Variants in ZNF423 observed in about 807,000 individuals in gnomAD.
The protein encoded by ZNF423 is zinc finger protein 423, also known as Ebf-associated zinc finger protein.
Under a neutral mutation model 95.8 loss-of-function variants are expected in ZNF423, and 12 were observed. The observed-to-expected ratio is 0.13, with a 90% CI of 0.08 to 0.20. ZNF423 has a LOEUF of 0.20. ZNF423 is among the 10% of genes least tolerant of loss of function. ZNF423 has a pLI of 1.00. For synonymous variants in ZNF423, 749 were observed against 711.9 expected, an observed-to-expected ratio of 1.05 and a Z score of -0.83; for missense variants, 1,316 against 1,737.1, an observed-to-expected ratio of 0.76 and a Z score of 4.31.
chr16:49,563,673 G>A (rs751419762), intron 5 of ZNF423, among the ~76,000 whole-genome samples: 12 of 152,170 alleles, frequency 7.9e-5, no homozygotes, highest in Non-Finnish European at 1.8e-4. Flanking sequence ...TGGCCTCTAG[G>A]CCTGTCGGCA....
At chr16:49,538,203 A>G (rs1969120994) in intron 5 of ZNF423, among the ~76,000 whole-genome samples, 1 of 152,092 alleles carries the variant, frequency 6.6e-6, no homozygotes. Context: ...GTGGGGGTGG[A>G]GGCCACCTCC....
At position 49,730,863 on chromosome 16, in the gene ZNF423, T is replaced by G. The variant is rs200530286; in HGVS notation, c.209A>C (p.Glu70Ala). Residue 70 changes from glutamate to alanine, a missense_variant, in exon 3 of 8, where the codon GAG (glutamate) becomes GCG (alanine). Around this residue, in one of 6 missense-constraint regions of ZNF423, gnomAD observed 155 missense variants for 170.8 expected, o/e 0.91. Transcript: ENST00000563137. ...ATCGCAGGTGTAAATTGATTCATCC[T>G]CCATGTCTTCATCATCCTCATTTCT... ...EERNEDDEDM[E>A]DESIYTCDHC... 30 of 1,614,184 alleles carry G rather than the reference T, an allele frequency of 1.9e-5. No homozygotes were observed. Among genetic ancestry groups the G allele is most frequent in the Non-Finnish European group, 2.1e-5 (25 of 1,180,034 alleles).
In ZNF423 at chr16:49,489,114, C is replaced by T. The variant is rs973834094; in HGVS notation, c.*2161G>A. On this transcript the variant is annotated 3_prime_UTR_variant, in exon 8 of 8. Transcript: ENST00000563137. ...TAATGGGGGCAGTGACTAATTTAGCCCTACGCCACCAACCGTCAAATCGAA... is the reference window on the plus strand; with the variant it reads ...TAATGGGGGCAGTGACTAATTTAGCTCTACGCCACCAACCGTCAAATCGAA... The T allele has an allele frequency of 6.6e-6, 1 of 152,212 alleles. No homozygotes were observed. The highest frequency in any genetic ancestry group is 6.5e-5 in the Admixed American group (1 of 15,286). The allele number at this position is 152,212 out of a possible 1,614,324, so 9.4% of individuals were successfully genotyped here.
In ZNF423 at chr16:49,636,342, C is replaced by T; in HGVS notation, c.2834G>A (p.Arg945Gln). 1.9e-6 allele frequency: 3 copies of T among 1,612,766 alleles called. No individual in the cohort carries two copies. The highest frequency in any genetic ancestry group is 2.2e-5 in the East Asian group (1 of 44,870). Residue 945 changes from arginine to glutamine, a missense_variant, in exon 4 of 8, where the codon CGG becomes CAG. Transcript: ENST00000563137. The surrounding 1 kb of genome is among the most constrained non-coding windows in gnomAD (Gnocchi z 8.6). ...TAGCCCGTTCTCCGAGAAGAAAGTC[C>T]GTGAACAAACGTTGCACTTGTGACT... The part of the protein sequence containing the change: ...KGSHKCNVCS[R>Q]TFFSENGLRE...
chr16:49,586,840 C>T (rs573720851), intron 5 of ZNF423, among the ~76,000 whole-genome samples: 5 of 152,230 alleles, frequency 3.3e-5, no homozygotes, highest in Non-Finnish European at 7.3e-5. Flanking sequence ...CAACATGAGC[C>T]TGGCTGATTT....
intron 1 of ZNF423, among the ~76,000 whole-genome samples, chr16:49,808,121 G>T (rs2034694357): frequency 6.6e-6 from 1 of 151,916 alleles, no homozygotes; most frequent in East Asian, 1.9e-4. Flanking sequence ...GAGTGCAGTG[G>T]CTGCATCATA....
chr16:49,776,065 G>C (rs1851318491), intron 2 of ZNF423, among the ~76,000 whole-genome samples: 1 of 152,234 alleles, frequency 6.6e-6, no homozygotes, highest in African/African-American at 2.4e-5. Flanking sequence ...GGGCCATTTA[G>C]GGAGAGGAGA....
chr16:49,735,334 T>C (rs2033259809), intron 2 of ZNF423, among the ~76,000 whole-genome samples: 1 of 152,172 alleles, frequency 6.6e-6, no homozygotes, highest in Admixed American at 6.5e-5. Context: ...CCATTACTCT[T>C]TCCCCAGGGC....
intron 2 of ZNF423, among the ~76,000 whole-genome samples, chr16:49,771,192 CTTTTTTTTTT>C (rs71380376): frequency 3.4e-5 from 3 of 89,436 alleles, no homozygotes; most frequent in Non-Finnish European, 6.1e-5. Context: ...TTTTTTTTTT[CTTTTTTTTTT>C]TTTTTTTTTT....
At chr16:49,563,262 T>C (rs2151772525) in intron 5 of ZNF423, among the ~76,000 whole-genome samples, 1 of 152,216 alleles carries the variant, frequency 6.6e-6, no homozygotes, top group African/African-American at 2.4e-5. Flanking sequence ...ATAGAGCTGA[T>C]TGTTAAAAAC....
At chr16:49,524,735 C>T (rs770537529) in intron 6 of ZNF423, among the ~76,000 whole-genome samples, 1 of 152,228 alleles carries the variant, frequency 6.6e-6, no homozygotes, top group Non-Finnish European at 1.5e-5. Flanking sequence ...CCGTGGCAGA[C>T]AGCAGATGTC....
At chr16:49,681,864 C>G (rs1387980878) in intron 3 of ZNF423, among the ~76,000 whole-genome samples, 1 of 152,180 alleles carries the variant, frequency 6.6e-6, no homozygotes, top group African/African-American at 2.4e-5. Context: ...CTCCCAGGCC[C>G]AAGAGATCCT....
At chr16:49,528,193 C>G (rs550582266) in intron 5 of ZNF423, among the ~76,000 whole-genome samples, 2 of 152,128 alleles carry the variant, frequency 1.3e-5, no homozygotes, top group Admixed American at 1.3e-4. Context: ...ACACAAACAC[C>G]GAGAGGACAA....
Position 49,811,298 on chromosome 16 carries a change from A to T in ZNF423, c.41-21752T>A, listed in dbSNP as rs2034748173. Among the ~76,000 whole-genome samples the T allele has an allele frequency of 1.3e-5, 2 of 152,154 alleles. 1 individual carries two copies. Among genetic ancestry groups the T allele is most frequent in the East Asian group, 3.9e-4 (2 of 5,190 alleles). ...CCAAGCAGCGGTAGAGAGACCCCCA[A>T]GAAAGTCAAGGCTCAGCTAGGAGAG... On this transcript the variant is annotated intron_variant, in intron 1 of 7. Coordinates refer to ENST00000563137, the MANE Select transcript of ZNF423 (RefSeq NM_001379286.1).
At chr16:49,738,434 T>C (rs990118796) in intron 2 of ZNF423, among the ~76,000 whole-genome samples, 5 of 152,120 alleles carry the variant, frequency 3.3e-5, no homozygotes, top group Non-Finnish European at 5.9e-5. Context: ...GCAAGTCCCC[T>C]ACCTGAGCCT....
intron 1 of ZNF423, among the ~76,000 whole-genome samples, chr16:49,826,518 A>C (rs1280816945): frequency 1.3e-5 from 2 of 152,192 alleles, no homozygotes; most frequent in Admixed American, 1.3e-4. Flanking sequence ...CACCTGTGTG[A>C]TTGGGGAAGG....
intron 5 of ZNF423, among the ~76,000 whole-genome samples, chr16:49,623,872 G>A (rs1972167316): frequency 1.3e-5 from 2 of 152,178 alleles, no homozygotes; most frequent in Non-Finnish European, 2.9e-5. Flanking sequence ...GGCCAATGCT[G>A]TGGCTAGGTA....
chr16:49,592,974 C>T (rs550272910), intron 5 of ZNF423, among the ~76,000 whole-genome samples: 9 of 152,278 alleles, frequency 5.9e-5, no homozygotes, highest in Middle Eastern at 3.4e-3. Flanking sequence ...GGAGAAGGGT[C>T]AGTCATCCAG....
intron 2 of ZNF423, among the ~76,000 whole-genome samples, chr16:49,767,734 G>A (rs930850323): frequency 3.9e-5 from 6 of 152,180 alleles, no homozygotes; most frequent in South Asian, 2.1e-4. Context: ...ACAGCATCGA[G>A]GACAACATTC....
Sources: allele counts gnomAD v4.1 joint callset (sites outside exome capture counted in the v4.1 genomes callset), GRCh38; gene constraint gnomAD v4.1.1; regional missense constraint gnomAD v4.1.1; non-coding constraint Gnocchi (gnomAD v3.1); transcripts MANE v1.5; gene names NCBI Gene and HGNC (gene_info 2026-07-23, HGNC 2026-07-21).